CTNNA2: variants seen among roughly 807,000 people sequenced by gnomAD.
CTNNA2 encodes the protein catenin alpha 2.
In CTNNA2, 42 loss-of-function variants were observed where a neutral mutation model predicts 101.0. The ratio of observed to expected loss-of-function variants is 0.42; its 90% CI spans 0.32 to 0.54. CTNNA2 has a LOEUF of 0.54. Ranked by LOEUF, CTNNA2 falls within the 20% of genes least tolerant of loss-of-function variation. CTNNA2 has a pLI of 0.14. For missense variants in CTNNA2, 871 were observed against 1,223.1 expected, an observed-to-expected ratio of 0.71 and a Z score of 4.29; for synonymous variants, 450 against 456.4, an observed-to-expected ratio of 0.99 and a Z score of 0.18.
At chr2:79,553,688 A>T (rs1313666702) in intron 1 of CTNNA2, among the ~76,000 whole-genome samples, 1 of 152,036 alleles carries the variant, frequency 6.6e-6, no homozygotes, top group Non-Finnish European at 1.5e-5. Context: ...TCTTGTGAGA[A>T]CTCACTCACT....
chr2:79,301,416 G>C (rs1482142906), intron 2 of CTNNA2, among the ~76,000 whole-genome samples: 18 of 145,022 alleles, frequency 1.2e-4, no homozygotes, highest in Non-Finnish European at 2.8e-4. Context: ...TCTTGTGCTT[G>C]AGGGCCCTGA....
At chr2:79,665,217 TTA>T (rs1682329495) in intron 2 of CTNNA2, among the ~76,000 whole-genome samples, 1 of 152,152 alleles carries the variant, frequency 6.6e-6, no homozygotes, top group Admixed American at 6.5e-5. Flanking sequence ...TGTTCTTATG[TTA>T]GATGCTGCCT....
intron 3 of CTNNA2, among the ~76,000 whole-genome samples, chr2:79,352,007 C>T (rs1038834532): frequency 6.6e-6 from 1 of 152,182 alleles, no homozygotes; most frequent in African/African-American, 2.4e-5. Context: ...AAAATTGCTT[C>T]CCACAGTGGC....
intron 2 of CTNNA2, among the ~76,000 whole-genome samples, chr2:79,655,662 C>G (rs1681558160): frequency 6.6e-6 from 1 of 151,966 alleles, no homozygotes; most frequent in South Asian, 2.1e-4. Flanking sequence ...AACCCCATCT[C>G]TACTAAAAAT....
intron 1 of CTNNA2, among the ~76,000 whole-genome samples, chr2:79,194,348 G>T (rs1174616612): frequency 6.6e-6 from 1 of 152,136 alleles, no homozygotes; most frequent in African/African-American, 2.4e-5. Context: ...AACTCTTAAG[G>T]AGTCAGTTGA....
At chr2:79,647,512 T>A (rs1001449565) in intron 1 of CTNNA2, among the ~76,000 whole-genome samples, 1 of 152,152 alleles carries the variant, frequency 6.6e-6, no homozygotes. Context: ...GCTTCAAGTT[T>A]TTTTTTTCAG....
At chr2:80,523,191 T>C (rs1373324264) in intron 9 of CTNNA2, among the ~76,000 whole-genome samples, 1 of 152,120 alleles carries the variant, frequency 6.6e-6, no homozygotes, top group Non-Finnish European at 1.5e-5. Flanking sequence ...AAAAACCACT[T>C]GTAGCAATCT....
intron 18 of CTNNA2, among the ~76,000 whole-genome samples, chr2:80,632,797 T>A (rs1672436760): frequency 6.6e-6 from 1 of 152,194 alleles, no homozygotes; most frequent in Admixed American, 6.5e-5. Context: ...AGAGGTGATG[T>A]AATAATCTTT....
At chr2:79,911,246 C>CGTTGTT (rs1014351896) in intron 7 of CTNNA2, among the ~76,000 whole-genome samples, 2 of 152,230 alleles carry the variant, frequency 1.3e-5, no homozygotes, top group South Asian at 4.2e-4. Context: ...TTTGTTTGTT[C>CGTTGTT]GTTGTTGTTG....
chr2:80,356,492 A>G (rs951793215), intron 7 of CTNNA2, among the ~76,000 whole-genome samples: 3 of 152,086 alleles, frequency 2.0e-5, no homozygotes, highest in Admixed American at 2.0e-4. Flanking sequence ...CCAATAATAA[A>G]CATTTATTGT....
At chr2:79,693,461 A>AT (rs1288710847) in intron 2 of CTNNA2, among the ~76,000 whole-genome samples, 4 of 151,846 alleles carry the variant, frequency 2.6e-5, no homozygotes, top group Admixed American at 6.6e-5. Flanking sequence ...TCTTTCATCT[A>AT]TTTTTTCAAA....
At chr2:80,192,764 C>T (rs569967928) in intron 7 of CTNNA2, among the ~76,000 whole-genome samples, 37 of 152,302 alleles carry the variant, frequency 2.4e-4, no homozygotes, top group African/African-American at 8.4e-4. Flanking sequence ...CCACCCGCCT[C>T]GGCCTCCCAA....
intron 7 of CTNNA2, chr2:80,289,236 A>G (rs1675029118): frequency 6.6e-6 from 1 of 152,104 alleles, no homozygotes; most frequent in African/African-American, 2.4e-5. Context: ...AATAAATAAA[A>G]GGCAGTCACC....
intron 3 of CTNNA2, among the ~76,000 whole-genome samples, chr2:79,845,429 A>G (rs1680158712): frequency 6.6e-6 from 1 of 152,174 alleles, no homozygotes; most frequent in South Asian, 2.1e-4. Flanking sequence ...GTACACAAGC[A>G]CACATATAGC....
chr2:79,456,526 A>C (rs1166934600), intron 4 of CTNNA2, among the ~76,000 whole-genome samples: 1 of 152,222 alleles, frequency 6.6e-6, no homozygotes, highest in East Asian at 1.9e-4. Flanking sequence ...TTAAAATAGA[A>C]TGGAATTGTA....
chr2:80,442,260 T>G (rs770756143), intron 9 of CTNNA2, among the ~76,000 whole-genome samples: 1 of 152,176 alleles, frequency 6.6e-6, no homozygotes, highest in Non-Finnish European at 1.5e-5. Flanking sequence ...GAGTCTATTC[T>G]CAAAGCTCCC....
At chr2:80,324,662 T>C (rs1359245465) in intron 7 of CTNNA2, among the ~76,000 whole-genome samples, 1 of 152,322 alleles carries the variant, frequency 6.6e-6, no homozygotes, top group East Asian at 1.9e-4. Flanking sequence ...CCCAGAATGC[T>C]TGGAATAAAA....
chr2:80,513,283 T>C (rs1573090822), intron 9 of CTNNA2, among the ~76,000 whole-genome samples: 1 of 152,344 alleles, frequency 6.6e-6, no homozygotes, highest in East Asian at 1.9e-4. Context: ...TTCCCTTCCT[T>C]CAGTTTTTTC....
At chr2:80,074,578 A>C (rs1389200674) in intron 7 of CTNNA2, among the ~76,000 whole-genome samples, 1 of 152,098 alleles carries the variant, frequency 6.6e-6, no homozygotes, top group Non-Finnish European at 1.5e-5. Flanking sequence ...TGCAGGAACA[A>C]CACCTGATCA....
Sources: gnomAD v4.1 joint callset for allele counts (sites outside exome capture counted in the v4.1 genomes callset) on GRCh38, gnomAD v4.1.1 for gene constraint, MANE v1.5 for transcripts, NCBI Gene and HGNC (gene_info 2026-07-23, HGNC 2026-07-21) for gene names.